The following PRDM5 variants were observed in gnomAD, a reference collection of about 807,000 sequenced individuals.
PRDM5 encodes PR domain zinc finger protein 5.
PRDM5 carries 56 observed loss-of-function variants against 81.2 expected under a neutral mutation model. The ratio of observed to expected loss-of-function variants is 0.69; its 90% confidence interval spans 0.56 to 0.86. The LOEUF (loss-of-function observed/expected upper bound fraction) is 0.86. Ranked by LOEUF, PRDM5 falls within the 40% of genes least tolerant of loss-of-function variation. The pLI is 0.00. For synonymous variants in PRDM5, 267 were observed against 256.4 expected (o/e 1.04, Z -0.39); for missense variants, 697 against 770.1 (o/e 0.91, Z 1.12).
intron 2 of PRDM5, among the ~76,000 whole-genome samples, chr4:120,886,943 CTTTCT>C (rs1450785517): frequency 6.8e-6 from 1 of 148,124 alleles, no homozygotes; most frequent in Non-Finnish European, 1.5e-5. Context: ...TGACTCTTCT[CTTTCT>C]TTTTTTTTTT....
chr4:120,849,896 T>C (rs1303385832), intron 3 of PRDM5, among the ~76,000 whole-genome samples: 2 of 152,164 alleles, frequency 1.3e-5, no homozygotes, highest in African/African-American at 4.8e-5. Flanking sequence ...TTTCTAGCCA[T>C]AGTTGGAAAC....
At chr4:120,741,330 T>C (rs1333009076) in intron 14 of PRDM5, among the ~76,000 whole-genome samples, 1 of 152,020 alleles carries the variant, frequency 6.6e-6, no homozygotes, top group Non-Finnish European at 1.5e-5. Context: ...GAATGAACCT[T>C]TTTCTTTTTC....
At chr4:120,869,849 G>A (rs1177647421) in intron 2 of PRDM5, among the ~76,000 whole-genome samples, 1 of 152,166 alleles carries the variant, frequency 6.6e-6, no homozygotes, top group African/African-American at 2.4e-5. Flanking sequence ...ATCTCTGTTA[G>A]CACTCATGCA....
chr4:120,835,329 G>T (rs903364612), intron 3 of PRDM5, among the ~76,000 whole-genome samples: 9 of 152,168 alleles, frequency 5.9e-5, no homozygotes, highest in African/African-American at 2.2e-4. Flanking sequence ...TCAAATAGGA[G>T]AAACCTAGTA....
At chr4:120,872,967 G>C (rs180817859) in intron 2 of PRDM5, among the ~76,000 whole-genome samples, 1 of 152,070 alleles carries the variant, frequency 6.6e-6, no homozygotes, top group African/African-American at 2.4e-5. Context: ...GGACAGTTAA[G>C]ATGGTAAATT....
intron 1 of PRDM5, among the ~76,000 whole-genome samples, chr4:120,921,181 T>G (rs56407223): frequency 0.1 from 15,198 of 152,250 alleles, 944 homozygotes; most frequent in South Asian, 0.2. Context: ...GTTTGAGAAT[T>G]TTTCACATCT....
At chr4:120,782,535 C>T (rs1749185825) in intron 11 of PRDM5, among the ~76,000 whole-genome samples, 1 of 152,104 alleles carries the variant, frequency 6.6e-6, no homozygotes, top group Non-Finnish European at 1.5e-5. Flanking sequence ...AATTATCCCT[C>T]TCTAACTTAA....
chr4:120,798,544 T>TC (rs2149284093), intron 9 of PRDM5, 120 bp from the exon 10 acceptor site: 6 of 836,054 alleles, frequency 7.2e-6, no homozygotes, highest in Non-Finnish European at 1.1e-5. Flanking sequence ...GTCAAACAAC[T>TC]AAAAAACATC....
At chr4:120,705,476 T>C (rs1735976146) in intron 15 of PRDM5, among the ~76,000 whole-genome samples, 1 of 152,142 alleles carries the variant, frequency 6.6e-6, no homozygotes, top group African/African-American at 2.4e-5. Context: ...AAAAGTGTTC[T>C]AGGCAGAGGC....
chr4:120,884,289 TG>T (rs1318681620), intron 2 of PRDM5, among the ~76,000 whole-genome samples: 19 of 152,226 alleles, frequency 1.2e-4, no homozygotes, highest in African/African-American at 4.3e-4. Flanking sequence ...TGTGATGATA[TG>T]TAATGAAAAA....
chr4:120,797,783 A>T (rs141396278), intron 10 of PRDM5, among the ~76,000 whole-genome samples: 203 of 152,288 alleles, frequency 1.3e-3, no homozygotes, highest in Middle Eastern at 6.8e-3. Context: ...AGCAGAAGTC[A>T]TGGATGTAGT....
rs1222575221 is a variant in PRDM5, at chr4:120,919,028, T to C, written c.93+3488A>G. Among the ~76,000 whole-genome samples the C allele has an allele frequency of 2.0e-5, 3 of 152,132 alleles. 1 individual carries two copies. In the East Asian group the frequency reaches 5.8e-4, roughly 29 times the overall value. The stretch of plus-strand genomic sequence containing the variant: ...CAGGCACTTTGAAAGAGGAAGAACT[T>C]TATACTGAACAGGCTGGCTCTCTGC... On this transcript the variant is annotated intron_variant, in intron 1 of 15. Coordinates refer to ENST00000264808, the MANE Select transcript of PRDM5 (RefSeq NM_018699.4).
intron 14 of PRDM5, chr4:120,731,940 C>G (rs751705543): frequency 6.6e-6 from 1 of 152,190 alleles, no homozygotes; most frequent in Non-Finnish European, 1.5e-5. Context: ...GAATTTCTGA[C>G]ACCAAGCTGG....
At chr4:120,839,681 C>A (rs1357685138) in intron 3 of PRDM5, among the ~76,000 whole-genome samples, 1 of 152,176 alleles carries the variant, frequency 6.6e-6, no homozygotes, top group Non-Finnish European at 1.5e-5. Context: ...TCAGGCAATC[C>A]CTAGCCTGAA....
chr4:120,832,118 C>T (rs574643401), intron 3 of PRDM5, among the ~76,000 whole-genome samples: 6 of 152,156 alleles, frequency 3.9e-5, no homozygotes, highest in East Asian at 1.9e-4. Context: ...TCCATTCTCA[C>T]GCTGCTATGA....
At chr4:120,806,389 A>G (rs1443387798) in intron 8 of PRDM5, among the ~76,000 whole-genome samples, 1 of 152,234 alleles carries the variant, frequency 6.6e-6, no homozygotes, top group African/African-American at 2.4e-5. Flanking sequence ...CCACATTGCC[A>G]AGACAATGCT....
chr4:120,706,499 G>T (rs757951338), intron 15 of PRDM5, among the ~76,000 whole-genome samples: 13 of 152,036 alleles, frequency 8.6e-5, no homozygotes, highest in Non-Finnish European at 1.9e-4. Context: ...AAATCTGGGA[G>T]ATCATGATTT....
intron 1 of PRDM5, among the ~76,000 whole-genome samples, chr4:120,921,192 T>C (rs1255288257): frequency 1.3e-5 from 2 of 152,332 alleles, no homozygotes; most frequent in East Asian, 3.9e-4. Context: ...TTTCACATCT[T>C]TTAAGAATGA....
chr4:120,723,197 TACAC>T (rs1374855748), intron 14 of PRDM5, among the ~76,000 whole-genome samples: 1 of 152,076 alleles, frequency 6.6e-6, no homozygotes, highest in African/African-American at 2.4e-5. Flanking sequence ...AAAATGAAAA[TACAC>T]AACACAGTCT....
Sources: allele counts gnomAD v4.1 joint callset (sites outside exome capture counted in the v4.1 genomes callset), GRCh38; gene constraint gnomAD v4.1.1; transcripts MANE v1.5; gene names NCBI Gene and HGNC (gene_info 2026-07-23, HGNC 2026-07-21).